Variants in IGF1R observed in about 807,000 individuals in gnomAD.
IGF1R encodes insulin-like growth factor 1 receptor.
In IGF1R, 44 loss-of-function variants were observed where a neutral mutation model predicts 144.6. The ratio of observed to expected loss-of-function variants is 0.30; its 90% confidence interval spans 0.24 to 0.39. IGF1R has a LOEUF of 0.39. IGF1R is among the 10% of genes least tolerant of loss of function. IGF1R has a pLI of 1.00. For synonymous variants in IGF1R, 795 were observed against 722.8 expected (o/e 1.10, Z -1.60); for missense variants, 1,355 against 1,833.7 (o/e 0.74, Z 4.77).
intron 5 of IGF1R, among the ~76,000 whole-genome samples, chr15:98,908,172 G>A (rs1481950955): frequency 6.6e-6 from 1 of 152,244 alleles, no homozygotes; most frequent in Non-Finnish European, 1.5e-5. Flanking sequence ...GGAGGGAGAA[G>A]GCCCAGGGTT....
intron 2 of IGF1R, among the ~76,000 whole-genome samples, chr15:98,810,800 G>A (rs796747979): frequency 1.3e-4 from 20 of 150,906 alleles, no homozygotes; most frequent in South Asian, 6.3e-4. Context: ...CGCCCGCCTC[G>A]GCCTCCCAAA....
intron 2 of IGF1R, among the ~76,000 whole-genome samples, chr15:98,760,675 G>T (rs1341233259): frequency 6.6e-6 from 1 of 152,206 alleles, no homozygotes; most frequent in Non-Finnish European, 1.5e-5. Context: ...GGAGAAGGAG[G>T]CCAGACTGGC....
intron 2 of IGF1R, among the ~76,000 whole-genome samples, chr15:98,855,450 T>A (rs994291378): frequency 1.3e-5 from 2 of 152,264 alleles, no homozygotes; most frequent in Non-Finnish European, 2.9e-5. Flanking sequence ...GCAGTGCTTT[T>A]TATCATCCAT....
chr15:98,936,763 C>G (rs2016167287), intron 17 of IGF1R, among the ~76,000 whole-genome samples: 2 of 152,134 alleles, frequency 1.3e-5, no homozygotes, highest in African/African-American at 4.8e-5. Context: ...ACTGGGGCTT[C>G]AAGCAGGATG....
At chr15:98,709,220 G>T (rs1283612614) in intron 2 of IGF1R, among the ~76,000 whole-genome samples, 1 of 152,192 alleles carries the variant, frequency 6.6e-6, no homozygotes, top group Non-Finnish European at 1.5e-5. Context: ...TAAATAAAAG[G>T]CGAGACCCCA....
chr15:98,946,706 A>G (rs7166565), intron 19 of IGF1R, among the ~76,000 whole-genome samples: 76,429 of 152,018 alleles, frequency 0.5, 19,863 homozygotes, highest in Non-Finnish European at 0.57. Flanking sequence ...TGTGAGACGC[A>G]GTGAGTTTGT....
intron 2 of IGF1R, among the ~76,000 whole-genome samples, chr15:98,759,033 T>G (rs1010064488): frequency 1.3e-5 from 2 of 152,234 alleles, no homozygotes; most frequent in African/African-American, 2.4e-5. Flanking sequence ...ACAGCATGTT[T>G]CTCTTACAGG....
intron 2 of IGF1R, among the ~76,000 whole-genome samples, chr15:98,849,710 ATTG>A (rs1383281527): frequency 1.2e-4 from 19 of 152,246 alleles, no homozygotes; most frequent in Non-Finnish European, 2.4e-4. Flanking sequence ...GCTCCTAGAA[ATTG>A]TTAAGGAAGA....
At chr15:98,805,467 T>C (rs750977452) in intron 2 of IGF1R, among the ~76,000 whole-genome samples, 9 of 152,124 alleles carry the variant, frequency 5.9e-5, no homozygotes, top group Non-Finnish European at 8.8e-5. Flanking sequence ...TGTGCTTTCA[T>C]AATTGTCTGT....
In IGF1R at chr15:98,829,408, T is replaced by C. The variant is rs140709607; in HGVS notation, c.641-61917T>C. 3.6e-4 allele frequency among the ~76,000 whole-genome samples: 55 copies of C among 152,220 alleles called. No individual in the cohort carries two copies. The East Asian group carries it at 0.011, about 29-fold the overall frequency. The stretch of plus-strand genomic sequence containing the variant: ...TTGAGGTTTGGTTTCTTTCCCCCTC[T>C]ATCCGGGTGTTATACAAATATGTAA... On this transcript the variant is annotated intron_variant, in intron 2 of 20. Coordinates refer to ENST00000650285, the MANE Select transcript of IGF1R (RefSeq NM_000875.5).
chr15:98,812,329 AT>A (rs1406415784), intron 2 of IGF1R, among the ~76,000 whole-genome samples: 1 of 140,656 alleles, frequency 7.1e-6, no homozygotes, highest in African/African-American at 2.6e-5. Flanking sequence ...CCATTGTATT[AT>A]TTTTACATTG....
At chr15:98,686,731 T>C (rs898150882) in intron 1 of IGF1R, among the ~76,000 whole-genome samples, 3 of 151,976 alleles carry the variant, frequency 2.0e-5, no homozygotes, top group African/African-American at 7.3e-5. Context: ...AGTGCAGTGA[T>C]GTGAGCATAG....
chr15:98,708,046 GAA>G lies in IGF1R; in HGVS notation c.580_581del (p.Lys194AspfsTer6), dbSNP rs1596214904. 1 of 1,614,124 alleles carries G rather than the reference GAA, an allele frequency of 6.2e-7. No homozygotes were observed. Among genetic ancestry groups the G allele is most frequent in the Non-Finnish European group, 8.5e-7 (1 of 1,180,002 alleles). On this transcript the variant is annotated frameshift_variant, in exon 2 of 21. Coordinates refer to ENST00000650285, the MANE Select transcript of IGF1R (RefSeq NM_000875.5). LOFTEE classifies it high-confidence loss of function. ...GTMEEKPMCE[K>X]TTINNEYNYR... The stretch of plus-strand genomic sequence containing the variant: ...CCATGGAGGAGAAGCCGATGTGTGA[GAA>G]GACCACCATCAACAATGAGTACAAC...
intron 2 of IGF1R, among the ~76,000 whole-genome samples, chr15:98,792,290 G>GAGC (rs1347986541): frequency 2.6e-5 from 4 of 152,134 alleles, no homozygotes; most frequent in Middle Eastern, 3.2e-3. Context: ...TCAGCAAGAA[G>GAGC]AGCAGATGAC....
At chr15:98,916,596 A>G (rs887744094) in intron 9 of IGF1R, 76 bp from the exon 10 acceptor site, 14 of 1,225,380 alleles carry the variant, frequency 1.1e-5, no homozygotes, top group Non-Finnish European at 1.7e-5. Flanking sequence ...AGGTACTGAG[A>G]GCTATTATTT....
intron 1 of IGF1R, among the ~76,000 whole-genome samples, chr15:98,697,947 C>A (rs757689304): frequency 6.6e-6 from 1 of 151,466 alleles, no homozygotes. Flanking sequence ...GTTGGCCAGG[C>A]CGGTCTTGAA....
At chr15:98,836,192 T>A (rs1455210112) in intron 2 of IGF1R, among the ~76,000 whole-genome samples, 1 of 148,638 alleles carries the variant, frequency 6.7e-6, no homozygotes, top group Non-Finnish European at 1.5e-5. Flanking sequence ...TTTTTTTTTC[T>A]CTCTCTCTCA....
intron 2 of IGF1R, among the ~76,000 whole-genome samples, chr15:98,752,258 G>T (rs994382357): frequency 1.3e-5 from 2 of 152,118 alleles, no homozygotes; most frequent in Non-Finnish European, 2.9e-5. Context: ...GCCCACACCA[G>T]GTCATTTTTC....
intron 2 of IGF1R, among the ~76,000 whole-genome samples, chr15:98,744,314 TAAAAGCCACTA>T (rs1363165801): frequency 6.6e-6 from 1 of 151,950 alleles, no homozygotes; most frequent in Non-Finnish European, 1.5e-5. Context: ...AACAACGTGC[TAAAAGCCACTA>T]AGAAGCCAAG....
Sources: allele counts gnomAD v4.1 joint callset (sites outside exome capture counted in the v4.1 genomes callset), GRCh38; gene constraint gnomAD v4.1.1; transcripts MANE v1.5; gene names NCBI Gene and HGNC (gene_info 2026-07-23, HGNC 2026-07-21).